ATG101: variants seen among roughly 807,000 people sequenced by gnomAD.
ATG101 encodes autophagy-related protein 101.
A neutral mutation model predicts 16.7 loss-of-function variants in ATG101; 6 were observed. The observed-to-expected ratio is 0.36, with a 90% confidence interval of 0.20 to 0.71. The LOEUF is 0.71. Among genes scored for constraint, ATG101 ranks in the 30% least tolerant of loss-of-function variants. The probability of loss-of-function intolerance (pLI) is 0.57; values close to 1 mark genes in which losing one functional copy is unlikely to be tolerated. For missense variants in ATG101, 200 were observed against 292.5 expected, an observed-to-expected ratio of 0.68 and a Z score of 2.31; for synonymous variants, 108 against 118.1, an observed-to-expected ratio of 0.91 and a Z score of 0.56.
chr12:52,077,237 C>A lies in ATG101; in HGVS notation c.*47C>A. On this transcript the variant is annotated 3_prime_UTR_variant, in exon 4 of 4. Transcript: ENST00000336854. The stretch of plus-strand genomic sequence containing the variant: ...CTCCTTGATGGCTCCCAGACCTTGG[C>A]TTTTGGGAATTGCACTTTTGGGCCT... 1 of 1,581,148 alleles carries A rather than the reference C, an allele frequency of 6.3e-7. No homozygotes were observed. Among genetic ancestry groups the A allele is most frequent in the South Asian group, 1.1e-5 (1 of 87,554 alleles).
At chr12:52,071,391 A>T (rs1184651963) in intron 2 of ATG101, 1 of 152,204 alleles carries the variant, frequency 6.6e-6, no homozygotes, top group Non-Finnish European at 1.5e-5. Context: ...TTCAGCCTGT[A>T]GAAGGGGTGA....
chr12:52,067,689 G>A (rs536742611), upstream of ATG101, among the ~76,000 whole-genome samples: 26 of 151,784 alleles, frequency 1.7e-4, no homozygotes, highest in Admixed American at 1.7e-3. Flanking sequence ...CCCGGTTCAA[G>A]CGATTCTCCT....
Position 52,077,057 on chromosome 12 carries a change from A to G in ATG101, c.524A>G (p.Asp175Gly), listed in dbSNP as rs760289914. The G allele has an allele frequency of 6.2e-7, 1 of 1,614,182 alleles. No individual in the cohort carries two copies. The part of the protein sequence containing the change: ...LPKMPTQSEV[D>G]NVFDTGLRDV... ...AAGATGCCCACACAGTCGGAGGTGG[A>G]TAACGTGTTTGACACAGGCTTGCGG... is the stretch of plus-strand genomic sequence containing the variant. Residue 175 changes from aspartate to glycine, a missense_variant, in exon 4 of 4, where the codon GAT becomes GGT. Transcript: ENST00000336854.
At chr12:52,072,422 T>C (rs1939665045) in intron 2 of ATG101, among the ~76,000 whole-genome samples, 1 of 152,242 alleles carries the variant, frequency 6.6e-6, no homozygotes, top group Admixed American at 6.5e-5. Flanking sequence ...GAGCAAGATG[T>C]AGATGAGGTG....
chr12:52,072,857 C>T (rs1592317150), intron 2 of ATG101, among the ~76,000 whole-genome samples: 1 of 152,124 alleles, frequency 6.6e-6, no homozygotes, highest in East Asian at 1.9e-4. Context: ...ACTGCAGCCT[C>T]AGCCTCCCAC....
Position 52,073,616 on chromosome 12 carries a change from A to C in ATG101, c.-35A>C. On this transcript the variant is annotated 5_prime_UTR_variant, in exon 3 of 4. Transcript: ENST00000336854. ...GGTGAAGATCCCCTGTCTTTATCCT[A>C]GTTCCACACCTTGGTGTGGGTTACT... 1 of 1,598,952 alleles carries C rather than the reference A, an allele frequency of 6.3e-7. No individual in the cohort carries two copies. The highest frequency in any genetic ancestry group is 2.2e-5 in the East Asian group (1 of 44,512).
At chr12:52,068,813 C>A (rs950746149), upstream of ATG101, among the ~76,000 whole-genome samples, 12 of 151,590 alleles carry the variant, frequency 7.9e-5, no homozygotes, top group Middle Eastern at 3.4e-3. Context: ...GGTGAAAACC[C>A]GTCTCTACTA....
upstream of ATG101, among the ~76,000 whole-genome samples, chr12:52,068,157 C>G (rs1939568160): frequency 6.6e-6 from 1 of 150,652 alleles, no homozygotes; most frequent in Non-Finnish European, 1.5e-5. Flanking sequence ...AGCAATTCTT[C>G]TGCCTCAGCC....
upstream of ATG101, chr12:52,069,171 C>A (rs1387790528): frequency 6.6e-6 from 1 of 152,084 alleles, no homozygotes; most frequent in African/African-American, 2.4e-5. Flanking sequence ...CTTTACAGGT[C>A]ACAGAAATCT....
rs760812976 is a variant in ATG101, at chr12:52,073,883, A to G, written c.233A>G (p.Lys78Arg). 8.7e-6 allele frequency: 14 copies of G among 1,613,824 alleles called. No individual in the cohort carries two copies. The highest frequency in any genetic ancestry group is 3.3e-5 in the Admixed American group (2 of 59,968). ...GAGGAACTGGATCGTGCCCTGCGCA[A>G]GGTTGTTGGGGAGTTCAAGGTAAGG... ...SSEELDRALR[K>R]VVGEFKDALR... Residue 78 changes from lysine to arginine, a missense_variant, in exon 3 of 4, where the codon AAG (lysine) becomes AGG (arginine). Physicochemically the swap from Lys to Arg is conservative, Grantham distance 26 (BLOSUM62 2). Coordinates refer to ENST00000336854, the MANE Select transcript of ATG101 (RefSeq NM_021934.5).
chr12:52,073,959 C>G (rs1452251874), intron 3 of ATG101, 57 bp downstream of exon 3: 9 of 1,590,632 alleles, frequency 5.7e-6, no homozygotes, highest in Non-Finnish European at 7.7e-6. Context: ...GCAGGGGGGC[C>G]TCGAGTGCTC....
intron 3 of ATG101, among the ~76,000 whole-genome samples, chr12:52,075,981 A>G (rs550771961): frequency 1.1e-4 from 16 of 152,092 alleles, no homozygotes; most frequent in Admixed American, 9.8e-4. Flanking sequence ...ATAACGTAAC[A>G]ATACCCCGTC....
rs552769436 is a variant in ATG101, at chr12:52,074,933, T to C, written c.252+1031T>C. Among the ~76,000 whole-genome samples the C allele has an allele frequency of 2.4e-4, 37 of 152,292 alleles. No homozygotes were observed. The South Asian group carries it at 7.3e-3, about 30-fold the overall frequency. ...ATGATCACGCTACTGTACTCCAGCA[T>C]GGGTGACAGAGCAAAACCCTGTCTC... On this transcript the variant is annotated intron_variant, in intron 3 of 3. Transcript: ENST00000336854.
chr12:52,076,657 C>T, intron 3 of ATG101, 129 bp from the exon 4 acceptor site: 1 of 1,153,048 alleles, frequency 8.7e-7, no homozygotes, highest in South Asian at 1.6e-5. Context: ...CTCTCCCAGT[C>T]TTGTTTCCTT....
chr12:52,073,320 A>C (rs1009620820), intron 2 of ATG101, among the ~76,000 whole-genome samples: 20 of 152,244 alleles, frequency 1.3e-4, no homozygotes, highest in African/African-American at 4.6e-4. Context: ...AGTACCTGAC[A>C]AATGTTGCAC....
chr12:52,073,432 A>G (rs1347388472), intron 2 of ATG101, 143 bp from the exon 3 acceptor site: 3 of 569,670 alleles, frequency 5.3e-6, no homozygotes, highest in Non-Finnish European at 9.3e-6. Context: ...TGATCCTGAG[A>G]CTTGATGATT....
At chr12:52,075,900 C>T (rs924865221) in intron 3 of ATG101, among the ~76,000 whole-genome samples, 2 of 152,182 alleles carry the variant, frequency 1.3e-5, no homozygotes, top group Admixed American at 1.3e-4. Flanking sequence ...TGGCTTGTGA[C>T]CGTAATCCCA....
At chr12:52,069,845 G>C (rs1311622523), upstream of ATG101, 1 of 152,298 alleles carries the variant, frequency 6.6e-6, no homozygotes, top group Non-Finnish European at 1.5e-5. Flanking sequence ...ATGACTATCT[G>C]CGTGTGCTTC....
At chr12:52,069,651 CG>C (rs931126049), upstream of ATG101, 3 of 152,070 alleles carry the variant, frequency 2.0e-5, no homozygotes, top group Non-Finnish European at 2.9e-5. Context: ...GCCGAGAGCC[CG>C]TAGGGCTCCT....
Sources: gnomAD v4.1 joint callset for allele counts (sites outside exome capture counted in the v4.1 genomes callset) on GRCh38, gnomAD v4.1.1 for gene constraint, MANE v1.5 for transcripts, NCBI Gene and HGNC (gene_info 2026-07-23, HGNC 2026-07-21) for gene names.